The following TSPAN14 variants were observed in gnomAD, a reference collection of about 807,000 sequenced individuals.
TSPAN14 encodes the protein tetraspanin 14, also known as tetraspanin-14.
Under a neutral mutation model 36.6 loss-of-function variants are expected in TSPAN14, and 16 were observed. The observed-to-expected ratio is 0.44, with a 90% confidence interval of 0.30 to 0.66. The LOEUF is 0.66. Ranked by LOEUF, TSPAN14 falls within the 30% of genes least tolerant of loss-of-function variation. TSPAN14 has a pLI of 0.12. For synonymous variants in TSPAN14, 139 were observed against 143.8 expected (o/e 0.97, Z 0.24); for missense variants, 231 against 355.1 (o/e 0.65, Z 2.81).
intron 2 of TSPAN14, among the ~76,000 whole-genome samples, chr10:80,490,036 A>G (rs1201340888): frequency 1.3e-5 from 2 of 152,340 alleles, no homozygotes; most frequent in Non-Finnish European, 2.9e-5. Flanking sequence ...AGAGGCATGC[A>G]GGATTCAGGT....
exon 9 of TSPAN14, chr10:80,518,190 C>T (rs773792536): frequency 1.7e-6 from 1 of 592,936 alleles, no homozygotes. Flanking sequence ...CTGCATCCCT[C>T]TGGAGTCTAC....
In TSPAN14 at chr10:80,516,338, C is replaced by G; in HGVS notation, c.741+15C>G. On this transcript the variant is annotated intron_variant, in intron 8 of 8. Transcript: ENST00000429989. The stretch of plus-strand genomic sequence containing the variant: ...CGCTGTTGCAGGTGTGTCCCAGGAG[C>G]CTATAGGATTGGCAGGTGGCCTTTT... 6.2e-7 allele frequency: 1 copy of G among 1,613,990 alleles called. No homozygotes were observed. The highest frequency in any genetic ancestry group is 8.5e-7 in the Non-Finnish European group (1 of 1,179,870).
intron 1 of TSPAN14, among the ~76,000 whole-genome samples, chr10:80,470,106 G>A (rs1385269749): frequency 6.6e-6 from 1 of 151,630 alleles, no homozygotes; most frequent in Admixed American, 6.6e-5. Context: ...TTCTTTTTGA[G>A]ACAGAGTCTT....
At chr10:80,485,137 G>A (rs943183057) in intron 1 of TSPAN14, among the ~76,000 whole-genome samples, 1 of 152,102 alleles carries the variant, frequency 6.6e-6, no homozygotes, top group South Asian at 2.1e-4. Flanking sequence ...TGCTGGAATG[G>A]TACCTAACAT....
chr10:80,499,174 C>T (rs1487036891), intron 2 of TSPAN14, among the ~76,000 whole-genome samples: 1 of 152,198 alleles, frequency 6.6e-6, no homozygotes, highest in Non-Finnish European at 1.5e-5. Context: ...CTGCATCTTT[C>T]TCCTCCAGTT....
chr10:80,508,104 T>TTTTTC (rs1405225609), intron 4 of TSPAN14, among the ~76,000 whole-genome samples: 1 of 150,378 alleles, frequency 6.6e-6, no homozygotes, highest in East Asian at 1.9e-4. Flanking sequence ...GTGTGTTTCC[T>TTTTTC]TTTTCTTTTC....
rs141721329 is a variant in TSPAN14 at position 80,520,954 on chromosome 10, G to A, written c.*2978G>A. 7.8e-3 allele frequency: 3,388 copies of A among 437,160 alleles called. 17 individuals are homozygous for A. The highest frequency in any genetic ancestry group is 0.012 in the Non-Finnish European group (2,546 of 214,752). The allele number at this position is 437,160 out of a possible 1,614,324, so 27.1% of individuals were successfully genotyped here. On this transcript the variant is annotated 3_prime_UTR_variant, in exon 9 of 9. Transcript: ENST00000429989. ...GCAGCTGTCCTCACCAGCCTCCGGGGAATCCCACTACCCACAGGGCAGGGC... is the reference window on the plus strand; with the variant it reads ...GCAGCTGTCCTCACCAGCCTCCGGGAAATCCCACTACCCACAGGGCAGGGC...
chr10:80,476,886 C>A (rs1846945549), intron 1 of TSPAN14, among the ~76,000 whole-genome samples: 1 of 152,202 alleles, frequency 6.6e-6, no homozygotes, highest in African/African-American at 2.4e-5. Context: ...CTTATTCCCT[C>A]CTTAGGGTCT....
intron 1 of TSPAN14, among the ~76,000 whole-genome samples, chr10:80,488,757 G>T (rs529735315): frequency 1.1e-4 from 17 of 152,144 alleles, no homozygotes; most frequent in Non-Finnish European, 2.4e-4. Context: ...CGTTTCTTCT[G>T]TTGGCTCTGG....
chr10:80,474,471 T>G (rs1396249022), intron 1 of TSPAN14, among the ~76,000 whole-genome samples: 17 of 128,576 alleles, frequency 1.3e-4, no homozygotes, highest in South Asian at 2.7e-4. Context: ...GGGAGGGGAG[T>G]GAGGGGAGGG....
intron 6 of TSPAN14, among the ~76,000 whole-genome samples, 198 bp downstream of exon 6, chr10:80,512,467 C>G (rs1197687005): frequency 6.6e-6 from 1 of 152,136 alleles, no homozygotes; most frequent in Non-Finnish European, 1.5e-5. Context: ...CTTGCATGAC[C>G]CACCCTGGCC....
At chr10:80,478,855 C>G (rs1195858413) in intron 1 of TSPAN14, among the ~76,000 whole-genome samples, 1 of 152,224 alleles carries the variant, frequency 6.6e-6, no homozygotes, top group Non-Finnish European at 1.5e-5. Flanking sequence ...AACCCTGTCT[C>G]CATTAAGAAT....
At chr10:80,517,984 A>G in exon 9 of TSPAN14, 1 of 1,555,890 alleles carries the variant, frequency 6.4e-7, no homozygotes, top group Non-Finnish European at 8.7e-7. Context: ...TGAGGAGCAG[A>G]GTTGAGGGAG....
chr10:80,470,780 CA>C (rs1432879319), intron 1 of TSPAN14, among the ~76,000 whole-genome samples: 1 of 152,216 alleles, frequency 6.6e-6, no homozygotes, highest in African/African-American at 2.4e-5. Flanking sequence ...GCTCCCACCC[CA>C]ATGGTGTCAG....
chr10:80,457,205 A>G (rs1845773931), intron 1 of TSPAN14, among the ~76,000 whole-genome samples: 1 of 151,322 alleles, frequency 6.6e-6, no homozygotes. Flanking sequence ...TTTTTTTTTG[A>G]TACTGAGTCT....
intron 7 of TSPAN14, among the ~76,000 whole-genome samples, chr10:80,514,818 G>A (rs55992253): frequency 0.016 from 2,474 of 152,242 alleles, 46 homozygotes; most frequent in Middle Eastern, 0.027. Context: ...TATTTAAGAG[G>A]TGGGGTCTTG....
At chr10:80,512,624 C>A (rs1303727623) in intron 6 of TSPAN14, among the ~76,000 whole-genome samples, 1 of 152,204 alleles carries the variant, frequency 6.6e-6, no homozygotes, top group Non-Finnish European at 1.5e-5. Context: ...TAGAACTCAA[C>A]AGTGCACGGG....
chr10:80,520,006 G>A (rs1460492017), exon 9 of TSPAN14: 1 of 154,702 alleles, frequency 6.5e-6, no homozygotes, highest in African/African-American at 2.4e-5. Flanking sequence ...AAGCAGAAGA[G>A]CTTGGGGACA....
intron 1 of TSPAN14, among the ~76,000 whole-genome samples, chr10:80,483,687 T>C (rs1319909155): frequency 6.6e-6 from 1 of 151,980 alleles, no homozygotes; most frequent in African/African-American, 2.4e-5. Flanking sequence ...GATGGGCAGA[T>C]CACCCAAGGT....
Sources: gnomAD v4.1 joint callset for allele counts (sites outside exome capture counted in the v4.1 genomes callset) on GRCh38, gnomAD v4.1.1 for gene constraint, MANE v1.5 for transcripts, NCBI Gene and HGNC (gene_info 2026-07-23, HGNC 2026-07-21) for gene names.